POPDC1: variants seen among roughly 807,000 people sequenced by gnomAD.
POPDC1 encodes popeye domain cAMP effector 1.
the POPDC1 span, among the ~76,000 whole-genome samples, chr6:105,118,205 A>T: frequency 6.8e-4 from 104 of 152,356 alleles, no homozygotes; most frequent in Non-Finnish European, 1.2e-3. Flanking sequence ...TCACAAAAGT[A>T]AACACATTTC....
chr6:105,108,648 T>C, the POPDC1 span, among the ~76,000 whole-genome samples: 1,726 of 152,328 alleles, frequency 0.011, 35 homozygotes, highest in African/African-American at 0.04. Flanking sequence ...CGTGGCATGA[T>C]TTTCATGTTG....
chr6:105,126,776 AAAAC>A, the POPDC1 span, among the ~76,000 whole-genome samples: 2 of 152,228 alleles, frequency 1.3e-5, no homozygotes, highest in East Asian at 3.8e-4. Flanking sequence ...CCAATATAGA[AAAAC>A]AAATATGCAC....
At chr6:105,115,576 CT>C in the POPDC1 span, 4 of 1,378,994 alleles carry the variant, frequency 2.9e-6, no homozygotes, top group Non-Finnish European at 3.0e-6. Context: ...TTTAGGTTGC[CT>C]TTCAAATAGT....
At chr6:105,113,960 A>G in the POPDC1 span, among the ~76,000 whole-genome samples, 8,057 of 152,020 alleles carry the variant, frequency 0.053, 239 homozygotes, top group Middle Eastern at 0.15. Context: ...ACACACAAAA[A>G]AAACAAAAAC....
chr6:105,117,980 G>A, the POPDC1 span, among the ~76,000 whole-genome samples: 1 of 152,120 alleles, frequency 6.6e-6, no homozygotes, highest in South Asian at 2.1e-4. Context: ...CAGGAAGGTC[G>A]AGGTTGCAGC....
chr6:105,100,961 C>CCT, the POPDC1 span: 1 of 1,129,288 alleles, frequency 8.9e-7, no homozygotes, highest in Non-Finnish European at 1.2e-6. Flanking sequence ...TTCCTCACTT[C>CCT]CTCCCTCCGA....
the POPDC1 span, chr6:105,129,470 T>C: frequency 6.2e-7 from 1 of 1,612,584 alleles, no homozygotes. Flanking sequence ...GGCACATCGG[T>C]AGAGAGTGGC....
chr6:105,116,849 T>C, the POPDC1 span: 5 of 1,612,154 alleles, frequency 3.1e-6, no homozygotes, highest in South Asian at 1.1e-5. Flanking sequence ...TCTGCAGTTA[T>C]CATCTGCAAT....
the POPDC1 span, among the ~76,000 whole-genome samples, chr6:105,117,311 T>A: frequency 0.9 from 137,099 of 152,166 alleles, 62,210 homozygotes; most frequent in Non-Finnish European, 0.96. Flanking sequence ...TGCCCATCCA[T>A]CTCTGCAAAT....
chr6:105,106,029 G>C, the POPDC1 span, among the ~76,000 whole-genome samples: 1 of 152,122 alleles, frequency 6.6e-6, no homozygotes, highest in African/African-American at 2.4e-5. Context: ...CAGTTGGGAG[G>C]CAGAGTGGTT....
At chr6:105,133,394 G>A in the POPDC1 span, 1 of 1,613,670 alleles carries the variant, frequency 6.2e-7, no homozygotes, top group African/African-American at 1.3e-5. Context: ...TGAAGGTGAA[G>A]AGTAGTTGGA....
chr6:105,107,440 G>A, the POPDC1 span, among the ~76,000 whole-genome samples: 1 of 152,178 alleles, frequency 6.6e-6, no homozygotes, highest in Admixed American at 6.5e-5. Flanking sequence ...AGACATATTT[G>A]TTTTTCTTAA....
At chr6:105,118,539 G>A in the POPDC1 span, among the ~76,000 whole-genome samples, 108,589 of 152,114 alleles carry the variant, frequency 0.71, 42,349 homozygotes, top group East Asian at 0.87. Flanking sequence ...AGTTACAATG[G>A]TAAATAAGAA....
At chr6:105,120,430 G>C in the POPDC1 span, among the ~76,000 whole-genome samples, 2 of 152,064 alleles carry the variant, frequency 1.3e-5, no homozygotes, top group African/African-American at 4.8e-5. Flanking sequence ...CAAGCAAAGT[G>C]TATTTTTTAT....
chr6:105,113,438 G>C, the POPDC1 span, among the ~76,000 whole-genome samples: 6 of 152,200 alleles, frequency 3.9e-5, no homozygotes, highest in Admixed American at 6.5e-5. Flanking sequence ...CCCTGCAGAA[G>C]GGTTAAATGA....
chr6:105,110,737 G>A, the POPDC1 span, among the ~76,000 whole-genome samples: 1 of 151,996 alleles, frequency 6.6e-6, no homozygotes, highest in East Asian at 1.9e-4. Flanking sequence ...AGGCTGGAGT[G>A]CAGTGGCAAG....
the POPDC1 span, among the ~76,000 whole-genome samples, chr6:105,130,143 T>G: frequency 7.2e-5 from 11 of 152,170 alleles, no homozygotes; most frequent in African/African-American, 2.7e-4. Flanking sequence ...TATCAAATAA[T>G]TTAATTCTGC....
the POPDC1 span, among the ~76,000 whole-genome samples, chr6:105,101,557 G>C: frequency 6.6e-6 from 1 of 152,178 alleles, no homozygotes; most frequent in African/African-American, 2.4e-5. Context: ...ATACATGGGG[G>C]CTTGAGTCTC....
chr6:105,102,167 T>C, the POPDC1 span, among the ~76,000 whole-genome samples: 1 of 152,168 alleles, frequency 6.6e-6, no homozygotes. Flanking sequence ...CCACAAATGC[T>C]GAACTCAGCT....
Sources: gnomAD v4.1 joint callset for allele counts (sites outside exome capture counted in the v4.1 genomes callset) on GRCh38, gnomAD v4.1.1 for gene constraint, MANE v1.5 for transcripts, NCBI Gene and HGNC (gene_info 2026-07-23, HGNC 2026-07-21) for gene names.